Variants in ZNF536 observed in about 807,000 individuals in gnomAD.
ZNF536 encodes zinc finger protein 536.
In ZNF536, 13 loss-of-function variants were observed where a neutral mutation model predicts 84.5. The observed-to-expected ratio is 0.15, with a 90% CI of 0.10 to 0.24. ZNF536 has a LOEUF of 0.24. ZNF536 is among the 10% of genes least tolerant of loss of function. The probability of loss-of-function intolerance (pLI) is 1.00; values close to 1 mark genes in which losing one functional copy is unlikely to be tolerated. For missense variants in ZNF536, 1,536 were observed against 1,747.5 expected (o/e 0.88, Z 2.16); for synonymous variants, 811 against 742.5 (o/e 1.09, Z -1.50).
At chr19:30,295,618 A>C (rs2045972183) in intron 2 of ZNF536, among the ~76,000 whole-genome samples, 1 of 152,248 alleles carries the variant, frequency 6.6e-6, no homozygotes, top group South Asian at 2.1e-4. Context: ...CATGAAGCAG[A>C]AACCTCCAGG....
downstream of ZNF536, among the ~76,000 whole-genome samples, chr19:30,562,167 C>T (rs370416711): frequency 9.2e-5 from 14 of 152,260 alleles, no homozygotes; most frequent in East Asian, 2.5e-3. Flanking sequence ...ATGTCTGCTC[C>T]GGACCCTCTT....
intron 1 of ZNF536, among the ~76,000 whole-genome samples, chr19:30,706,490 A>AC (rs1267085424): frequency 6.6e-6 from 1 of 151,930 alleles, no homozygotes; most frequent in African/African-American, 2.4e-5. Context: ...TGTCTCAAAA[A>AC]AAAAAAAAAA....
At chr19:30,555,111 C>G (rs2045920155) in intron 4 of ZNF536, 1 of 152,254 alleles carries the variant, frequency 6.6e-6, no homozygotes, top group African/African-American at 2.4e-5. Context: ...CAGAGCTGCC[C>G]CCTCATAGCC....
intron 1 of ZNF536, among the ~76,000 whole-genome samples, chr19:30,420,747 T>G (rs888117184): frequency 2.0e-5 from 3 of 152,186 alleles, no homozygotes; most frequent in African/African-American, 7.2e-5. Context: ...TTATAAAGAT[T>G]TCACTGATAT....
chr19:30,531,151 A>G (rs2044798050), intron 2 of ZNF536, among the ~76,000 whole-genome samples: 1 of 152,256 alleles, frequency 6.6e-6, no homozygotes, highest in African/African-American at 2.4e-5. Flanking sequence ...TTCTTTGTGA[A>G]GTAATAATTA....
At chr19:30,506,513 C>G (rs12461746) in intron 2 of ZNF536, among the ~76,000 whole-genome samples, 17,037 of 152,254 alleles carry the variant, frequency 0.11, 1,105 homozygotes, top group Non-Finnish European at 0.15. Context: ...TTAACAGAGA[C>G]TTCTAGGGCC....
intron 1 of ZNF536, among the ~76,000 whole-genome samples, chr19:30,581,349 C>T (rs1282323033): frequency 3.9e-5 from 6 of 151,960 alleles, no homozygotes; most frequent in Admixed American, 1.3e-4. Flanking sequence ...TGGTGGTGGG[C>T]GCCTGTAGTC....
intron 2 of ZNF536, among the ~76,000 whole-genome samples, chr19:30,341,463 C>T (rs920237050): frequency 2.6e-5 from 4 of 152,238 alleles, no homozygotes; most frequent in Non-Finnish European, 5.9e-5. Flanking sequence ...GAACTTCCAT[C>T]TGTGCCACAC....
chr19:30,455,964 CAA>C (rs1366716497), intron 2 of ZNF536, among the ~76,000 whole-genome samples: 1 of 152,186 alleles, frequency 6.6e-6, no homozygotes, highest in Non-Finnish European at 1.5e-5. Flanking sequence ...CCAGGATCAG[CAA>C]AGTTTTCCTG....
At chr19:30,462,449 C>T (rs2053184441) in intron 2 of ZNF536, among the ~76,000 whole-genome samples, 1 of 151,718 alleles carries the variant, frequency 6.6e-6, no homozygotes, top group South Asian at 2.1e-4. Flanking sequence ...TAGGTAGCTG[C>T]GGGTGCATGT....
At chr19:30,267,929 C>T (rs542914091) in intron 1 of ZNF536, among the ~76,000 whole-genome samples, 14 of 151,856 alleles carry the variant, frequency 9.2e-5, no homozygotes, top group African/African-American at 1.7e-4. Context: ...AGATCTGCAA[C>T]GGAATACAGC....
rs1355484161 is a variant in ZNF536 at position 30,373,909 on chromosome 19, G to C, written c.-3+1353G>C. Among the ~76,000 whole-genome samples, 4 of 152,198 alleles carry C rather than the reference G, an allele frequency of 2.6e-5. No individual in the cohort carries two copies. The East Asian group carries it at 7.7e-4, about 29-fold the overall frequency. ...AGGTGGGCCTCAGCAAGGTGCACGC[G>C]GCCCGGCCCCAGCCCCAGGGCCGCA... On this transcript the variant is annotated intron_variant, in intron 1 of 4. Coordinates refer to ENST00000355537, the MANE Select transcript of ZNF536 (RefSeq NM_014717.3).
chr19:30,659,264 G>A (rs990821490), intron 1 of ZNF536, among the ~76,000 whole-genome samples: 4 of 151,450 alleles, frequency 2.6e-5, no homozygotes, highest in African/African-American at 4.9e-5. Context: ...TGAAGGGGAA[G>A]CAGGCACATG....
rs1235459947 is a variant in ZNF536, at chr19:30,549,327, G to A, written c.3708G>A (p.Gln1236=). Residue 1236 remains glutamine (Q), a synonymous_variant, in exon 4 of 5, where the codon CAG becomes CAA. Transcript: ENST00000355537. ...SQAPEKQWHS[Q]GLLQAQDPLA... ...CACCGGAGAAGCAGTGGCACAGCCAGGGTCTTCTCCAAGCCCAGGACCCCT... is the reference window on the plus strand; with the variant it reads ...CACCGGAGAAGCAGTGGCACAGCCAAGGTCTTCTCCAAGCCCAGGACCCCT... 3 of 1,610,620 alleles carry A rather than the reference G, an allele frequency of 1.9e-6. No individual in the cohort carries two copies. The highest frequency in any genetic ancestry group is 2.5e-6 in the Non-Finnish European group (3 of 1,178,170).
chr19:30,548,079 C>T lies in ZNF536; in HGVS notation c.2460C>T (p.Asp820=). ...TGTCTGGGCAACCCCCAAATCAAGA[C>T]CACAAGGATGAGATGTCAAGCAAAG... ...GPLSGQPPNQ[D]HKDEMSSKAS... is the part of the protein sequence containing the mutation. The change falls in exon 4 of 5, where the codon GAC becomes GAT. Residue 820 remains aspartate (D), a synonymous_variant. Coordinates refer to ENST00000355537, the MANE Select transcript of ZNF536 (RefSeq NM_014717.3). The T allele has an allele frequency of 1.2e-6, 2 of 1,614,132 alleles. No homozygotes were observed. Among genetic ancestry groups the T allele is most frequent in the Non-Finnish European group, 1.7e-6 (2 of 1,180,026 alleles).
At chr19:30,660,420 A>G (rs2050083556) in intron 1 of ZNF536, among the ~76,000 whole-genome samples, 1 of 152,194 alleles carries the variant, frequency 6.6e-6, no homozygotes, top group African/African-American at 2.4e-5. Flanking sequence ...CCACCCTGTC[A>G]TCTCTTTGGC....
intron 2 of ZNF536, among the ~76,000 whole-genome samples, chr19:30,452,175 T>C (rs1271465185): frequency 6.6e-6 from 1 of 152,166 alleles, no homozygotes; most frequent in African/African-American, 2.4e-5. Context: ...TGCACTCAGG[T>C]AGCTGGGAAA....
intron 1 of ZNF536, among the ~76,000 whole-genome samples, chr19:30,270,689 G>T (rs1426886388): frequency 6.6e-6 from 1 of 151,802 alleles, no homozygotes; most frequent in African/African-American, 2.4e-5. Context: ...GAAGCCCGCT[G>T]CTGTTGCAGA....
chr19:30,518,465 T>A (rs2044181885), intron 2 of ZNF536, among the ~76,000 whole-genome samples: 1 of 152,194 alleles, frequency 6.6e-6, no homozygotes, highest in Admixed American at 6.5e-5. Context: ...GATGAGGAAA[T>A]GTATTCCTGT....
Sources: gnomAD v4.1 joint callset for allele counts (sites outside exome capture counted in the v4.1 genomes callset) on GRCh38, gnomAD v4.1.1 for gene constraint, MANE v1.5 for transcripts, NCBI Gene and HGNC (gene_info 2026-07-23, HGNC 2026-07-21) for gene names.